PRKCH: variants seen among roughly 807,000 people sequenced by gnomAD.
The protein encoded by PRKCH is protein kinase C eta.
Under a neutral mutation model 82.5 loss-of-function variants are expected in PRKCH, and 28 were observed. That is an observed-to-expected ratio of 0.34 (90% confidence interval 0.25 to 0.47). The LOEUF (loss-of-function observed/expected upper bound fraction) is 0.47, where lower values mean the gene tolerates loss of function less well. PRKCH is among the 20% of genes least tolerant of loss of function. The pLI is 1.00. For missense variants in PRKCH, 705 were observed against 881.8 expected (o/e 0.80, Z 2.54); for synonymous variants, 322 against 327.4 (o/e 0.98, Z 0.18).
At chr14:61,489,313 G>A (rs1886361229) in intron 10 of PRKCH, among the ~76,000 whole-genome samples, 1 of 152,158 alleles carries the variant, frequency 6.6e-6, no homozygotes, top group Non-Finnish European at 1.5e-5. Flanking sequence ...GGAGAGAGGT[G>A]TTTATTTTCC....
chr14:61,329,400 T>A (rs2045751541), intron 1 of PRKCH, among the ~76,000 whole-genome samples: 1 of 151,848 alleles, frequency 6.6e-6, no homozygotes, highest in Non-Finnish European at 1.5e-5. Flanking sequence ...CACGCCTGGC[T>A]AATTTTTATA....
chr14:61,320,195 A>C (rs1409304863), upstream of PRKCH, among the ~76,000 whole-genome samples: 1 of 151,996 alleles, frequency 6.6e-6, no homozygotes, highest in Non-Finnish European at 1.5e-5. Flanking sequence ...CAGTCTCTAA[A>C]ACATAAAAGA....
chr14:61,334,426 T>C (rs1163876102), intron 1 of PRKCH, among the ~76,000 whole-genome samples: 1 of 151,388 alleles, frequency 6.6e-6, no homozygotes, highest in Non-Finnish European at 1.5e-5. Context: ...TTATCTGGAG[T>C]GGTCACTGTC....
At chr14:61,218,798 C>T (rs1325053536) in intron 1 of PRKCH, among the ~76,000 whole-genome samples, 1 of 152,124 alleles carries the variant, frequency 6.6e-6, no homozygotes, top group Non-Finnish European at 1.5e-5. Flanking sequence ...AGTGCTCCCC[C>T]GATGCTCTGT....
intron 10 of PRKCH, among the ~76,000 whole-genome samples, chr14:61,494,086 T>G (rs1304726286): frequency 1.3e-5 from 2 of 152,022 alleles, no homozygotes; most frequent in African/African-American, 4.8e-5. Context: ...TATACTCCAG[T>G]GGAGATGCTC....
At chr14:61,412,259 GA>G (rs2075019541) in intron 2 of PRKCH, among the ~76,000 whole-genome samples, 1 of 152,004 alleles carries the variant, frequency 6.6e-6, no homozygotes, top group South Asian at 2.1e-4. Context: ...AGCAGATAAG[GA>G]CATTAAAATG....
intron 1 of PRKCH, among the ~76,000 whole-genome samples, chr14:61,287,816 G>A (rs2045328441): frequency 6.6e-6 from 1 of 152,044 alleles, no homozygotes; most frequent in Admixed American, 6.5e-5. Context: ...CCATGACAGT[G>A]TCTGTGGAGC....
chr14:61,355,054 C>T (rs550000357), intron 1 of PRKCH, among the ~76,000 whole-genome samples: 8 of 152,282 alleles, frequency 5.3e-5, no homozygotes, highest in Non-Finnish European at 1.0e-4. Flanking sequence ...TGGATAATTT[C>T]GATGATGTGT....
rs1594754397 is a variant in PRKCH, at chr14:61,485,511, T to C, written c.1288T>C (p.Phe430Leu). Residue 430 changes from phenylalanine to leucine, a missense_variant, in exon 10 of 14, where the codon TTT becomes CTT. Coordinates refer to ENST00000332981, the MANE Select transcript of PRKCH (RefSeq NM_006255.5). ...TTGTGTTTGTATCCAGGATCGTCTG[T>C]TTTTTGTGATGGAGTTTGTGAATGG... ...FCCFQTPDRLFFVMEFVNGGD... is the reference protein window; with the variant it reads ...FCCFQTPDRLLFVMEFVNGGD... 1 of 1,613,908 alleles carries C rather than the reference T, an allele frequency of 6.2e-7. No homozygotes were observed. Among genetic ancestry groups the C allele is most frequent in the Non-Finnish European group, 8.5e-7 (1 of 1,179,906 alleles).
chr14:61,483,563 A>G (rs545375087), intron 9 of PRKCH, among the ~76,000 whole-genome samples: 1 of 151,772 alleles, frequency 6.6e-6, no homozygotes, highest in Admixed American at 6.6e-5. Flanking sequence ...TTTTTCTTCT[A>G]ATTAAGGCGT....
chr14:61,530,640 G>C (rs2043034438), intron 12 of PRKCH, 45 bp downstream of exon 12: 4 of 1,529,874 alleles, frequency 2.6e-6, no homozygotes, highest in Admixed American at 1.9e-5. Context: ...TTGCAAACCA[G>C]CTTGTTTCAT....
chr14:61,273,284 A>G (rs1169361453), intron 1 of PRKCH, among the ~76,000 whole-genome samples: 1 of 152,236 alleles, frequency 6.6e-6, no homozygotes, highest in Non-Finnish European at 1.5e-5. Context: ...TGTAGATATC[A>G]AGATGTGCCA....
intron 10 of PRKCH, among the ~76,000 whole-genome samples, chr14:61,524,381 C>T (rs1184144583): frequency 1.3e-5 from 2 of 152,214 alleles, no homozygotes; most frequent in African/African-American, 4.8e-5. Flanking sequence ...GCTTGCATGA[C>T]AAAAGCTGTA....
rs1024065736 is a variant in PRKCH at position 61,453,260 on chromosome 14, G to A, written c.867G>A (p.Ala289=). The change falls in exon 7 of 14, where the codon GCG becomes GCA. Residue 289 remains alanine (A), a synonymous_variant. Transcript: ENST00000332981. ...CKMNVHIRCQ[A]NVAPNCGVNA... ...TGAATGTGCATATTCGATGTCAAGC[G>A]AACGTGGCCCCTAACTGTGGGGTAA... 1.2e-6 allele frequency: 2 copies of A among 1,614,178 alleles called. No homozygotes were observed. Among genetic ancestry groups the A allele is most frequent in the African/African-American group, 1.3e-5 (1 of 75,048 alleles).
At chr14:61,467,938 A>G (rs1345291857) in intron 9 of PRKCH, among the ~76,000 whole-genome samples, 1 of 152,210 alleles carries the variant, frequency 6.6e-6, no homozygotes, top group Non-Finnish European at 1.5e-5. Context: ...AGAGAAATTA[A>G]ACAACTTGCC....
At chr14:61,258,574 C>A (rs900529317) in intron 1 of PRKCH, among the ~76,000 whole-genome samples, 1 of 152,186 alleles carries the variant, frequency 6.6e-6, no homozygotes, top group Non-Finnish European at 1.5e-5. Flanking sequence ...CAAAACATTA[C>A]TTTCCTACAT....
chr14:61,309,815 G>A (rs1253774960), intron 1 of PRKCH, among the ~76,000 whole-genome samples: 6 of 152,128 alleles, frequency 3.9e-5, no homozygotes, highest in Non-Finnish European at 7.4e-5. Context: ...AGAACTGCCC[G>A]AGACTGGGAA....
At chr14:61,264,355 C>T (rs1014814622) in intron 1 of PRKCH, among the ~76,000 whole-genome samples, 2 of 152,182 alleles carry the variant, frequency 1.3e-5, no homozygotes, top group Non-Finnish European at 2.9e-5. Context: ...TCCTAAGGTT[C>T]CACTAATTAA....
chr14:61,455,241 C>T (rs2140292810), intron 7 of PRKCH, among the ~76,000 whole-genome samples: 1 of 148,666 alleles, frequency 6.7e-6, no homozygotes, highest in African/African-American at 2.5e-5. Context: ...GGGGTTTCAA[C>T]GTGTTACCCA....
Sources: gnomAD v4.1 joint callset for allele counts (sites outside exome capture counted in the v4.1 genomes callset) on GRCh38, gnomAD v4.1.1 for gene constraint, MANE v1.5 for transcripts, NCBI Gene and HGNC (gene_info 2026-07-23, HGNC 2026-07-21) for gene names.